POU6F2: variants seen among roughly 807,000 people sequenced by gnomAD.
POU6F2 encodes POU domain, class 6, transcription factor 2.
Under a neutral mutation model 71.3 loss-of-function variants are expected in POU6F2, and 31 were observed. The ratio of observed to expected loss-of-function variants is 0.43; its 90% CI spans 0.33 to 0.59. The LOEUF is 0.59. POU6F2 is among the 20% of genes least tolerant of loss of function. The pLI, the probability that POU6F2 is intolerant of heterozygous loss-of-function variation, is 0.04. For synonymous variants in POU6F2, 347 were observed against 355.7 expected, an observed-to-expected ratio of 0.98 and a Z score of 0.27; for missense variants, 783 against 856.8, an observed-to-expected ratio of 0.91 and a Z score of 1.07.
rs573958584 is a variant in POU6F2 at position 39,097,090 on chromosome 7, T to C, written c.277+11059T>C. ...TACAATGGTTATCAAGTTTTTAACA[T>C]TTTGCACTCTTTGAAATTACAGTGT... On this transcript the variant is annotated intron_variant, in intron 2 of 9. Transcript: ENST00000518318. Among the ~76,000 whole-genome samples, 205 of 152,328 alleles carry C rather than the reference T, an allele frequency of 1.3e-3. 1 individual carries two copies. In the Middle Eastern group the frequency reaches 0.014, roughly 10 times the overall value.
At chr7:39,338,959 G>A (rs529972080) in intron 4 of POU6F2, among the ~76,000 whole-genome samples, 2 of 152,136 alleles carry the variant, frequency 1.3e-5, no homozygotes, top group East Asian at 3.9e-4. Context: ...ACACTGTTTG[G>A]TTCAGTCACC....
chr7:39,080,496 G>C (rs1365232564), intron 1 of POU6F2, among the ~76,000 whole-genome samples: 1 of 152,096 alleles, frequency 6.6e-6, no homozygotes, highest in African/African-American at 2.4e-5. Flanking sequence ...TTGAAATGTA[G>C]CATTTTGAGA....
chr7:39,268,842 C>T (rs1354792229), intron 4 of POU6F2, among the ~76,000 whole-genome samples: 1 of 152,194 alleles, frequency 6.6e-6, no homozygotes, highest in Non-Finnish European at 1.5e-5. Context: ...AGATTTGCCA[C>T]CAGAGTGACT....
At chr7:39,243,702 A>G (rs1783765861) in intron 4 of POU6F2, among the ~76,000 whole-genome samples, 1 of 151,896 alleles carries the variant, frequency 6.6e-6, no homozygotes, top group African/African-American at 2.4e-5. Flanking sequence ...AGATCAAAAT[A>G]AACACATTTT....
At chr7:39,428,248 A>G (rs774335007) in intron 6 of POU6F2, among the ~76,000 whole-genome samples, 1 of 152,244 alleles carries the variant, frequency 6.6e-6, no homozygotes, top group African/African-American at 2.4e-5. Context: ...CTCTTATAAT[A>G]TGAACTTTAT....
chr7:39,444,210 T>A (rs1788472689), intron 7 of POU6F2, among the ~76,000 whole-genome samples: 1 of 152,170 alleles, frequency 6.6e-6, no homozygotes, highest in Non-Finnish European at 1.5e-5. Flanking sequence ...AACACCGGTA[T>A]TTGACAGCCC....
At position 39,464,512 on chromosome 7, in the gene POU6F2, G is replaced by T. The variant is rs778125753; in HGVS notation, c.1989G>T (p.Gly663=). The T allele has an allele frequency of 1.2e-6, 2 of 1,613,598 alleles. No individual in the cohort carries two copies. The highest frequency in any genetic ancestry group is 2.2e-5 in the South Asian group (2 of 90,994). ...TTGAGAAGAACACACACCCTTCTGG[G>T]CAGGAAATGACCGAAATTGCTGAGA... is the stretch of plus-strand genomic sequence containing the variant. ...AHFEKNTHPS[G]QEMTEIAEKL... The change falls in exon 10 of 10, where the codon GGG becomes GGT. Residue 663 remains glycine, a synonymous_variant. Coordinates refer to ENST00000518318, the MANE Select transcript of POU6F2 (RefSeq NM_001370959.1). The surrounding 1 kb of genome is among the most constrained non-coding windows in gnomAD (Gnocchi z 4.1).
At chr7:39,223,309 T>C (rs1041445857) in intron 4 of POU6F2, among the ~76,000 whole-genome samples, 1 of 152,234 alleles carries the variant, frequency 6.6e-6, no homozygotes, top group South Asian at 2.1e-4. Context: ...ATTGTAAATA[T>C]CATCATTACG....
At chr7:39,208,542 G>A (rs1035313776) in intron 4 of POU6F2, among the ~76,000 whole-genome samples, 7 of 151,998 alleles carry the variant, frequency 4.6e-5, no homozygotes, top group South Asian at 2.1e-4. Flanking sequence ...ATAATTTATC[G>A]GAGAATCAGT....
intron 2 of POU6F2, among the ~76,000 whole-genome samples, chr7:39,101,125 G>T (rs1053981372): frequency 1.3e-5 from 2 of 148,176 alleles, no homozygotes; most frequent in African/African-American, 5.0e-5. Flanking sequence ...CCAGGCTGGA[G>T]TGCAATGGCG....
intron 7 of POU6F2, among the ~76,000 whole-genome samples, chr7:39,436,315 G>T (rs545442353): frequency 6.6e-6 from 1 of 152,130 alleles, no homozygotes; most frequent in East Asian, 1.9e-4. Flanking sequence ...GTGGTTTGTA[G>T]TTCTCCTTGA....
At chr7:39,163,925 G>A (rs964530798) in intron 2 of POU6F2, among the ~76,000 whole-genome samples, 1 of 152,192 alleles carries the variant, frequency 6.6e-6, no homozygotes, top group African/African-American at 2.4e-5. Context: ...GGTTACCAGA[G>A]GCTGGGAGAG....
chr7:39,017,176 A>AC (rs1232379288), intron 1 of POU6F2, among the ~76,000 whole-genome samples: 3 of 152,138 alleles, frequency 2.0e-5, no homozygotes, highest in Non-Finnish European at 4.4e-5. Context: ...TGGATGCTGT[A>AC]CTCAATAAAT....
chr7:38,991,560 C>T (rs979631526), intron 1 of POU6F2, among the ~76,000 whole-genome samples: 1 of 152,156 alleles, frequency 6.6e-6, no homozygotes, highest in East Asian at 1.9e-4. Flanking sequence ...ATGTCATACT[C>T]TTGTCATGCA....
At chr7:38,999,495 G>T (rs1788837393) in intron 1 of POU6F2, among the ~76,000 whole-genome samples, 1 of 152,106 alleles carries the variant, frequency 6.6e-6, no homozygotes, top group Non-Finnish European at 1.5e-5. Flanking sequence ...TCTGTATGTG[G>T]TGTCAACTTT....
chr7:39,427,400 T>C (rs549790359), intron 6 of POU6F2, among the ~76,000 whole-genome samples: 1 of 152,332 alleles, frequency 6.6e-6, no homozygotes, highest in East Asian at 1.9e-4. Context: ...TAAGGAGAAT[T>C]ACCTTTAATG....
intron 4 of POU6F2, among the ~76,000 whole-genome samples, chr7:39,231,888 A>T (rs1393143396): frequency 6.6e-6 from 1 of 152,224 alleles, no homozygotes; most frequent in Non-Finnish European, 1.5e-5. Flanking sequence ...GCCCTAATTA[A>T]TACATGGGGC....
chr7:39,386,670 C>T (rs979884485), intron 5 of POU6F2, among the ~76,000 whole-genome samples: 1 of 152,004 alleles, frequency 6.6e-6, no homozygotes, highest in African/African-American at 2.4e-5. Flanking sequence ...AGCTAGAGTC[C>T]CACTTTATTT....
intron 2 of POU6F2, among the ~76,000 whole-genome samples, chr7:39,162,360 T>C (rs1584575878): frequency 6.6e-6 from 1 of 152,246 alleles, no homozygotes; most frequent in South Asian, 2.1e-4. Flanking sequence ...CAGGCTTGGT[T>C]GCAATGCCAA....
Sources: gnomAD v4.1 joint callset for allele counts (sites outside exome capture counted in the v4.1 genomes callset) on GRCh38, gnomAD v4.1.1 for gene constraint, Gnocchi (gnomAD v3.1) non-coding constraint, MANE v1.5 for transcripts, NCBI Gene and HGNC (gene_info 2026-07-23, HGNC 2026-07-21) for gene names.